The following MYCBP2 variants were observed in gnomAD, a reference collection of about 807,000 sequenced individuals.
The protein encoded by MYCBP2 is E3 ubiquitin-protein ligase MYCBP2.
A neutral mutation model predicts 525.3 loss-of-function variants in MYCBP2; 120 were observed. The ratio of observed to expected loss-of-function variants is 0.23; its 90% CI spans 0.20 to 0.27. The LOEUF is 0.27. Among genes scored for constraint, MYCBP2 ranks in the 10% least tolerant of loss-of-function variants. MYCBP2 has a pLI of 1.00. For missense variants in MYCBP2, 4,149 were observed against 5,657.1 expected, an observed-to-expected ratio of 0.73 and a Z score of 8.55; for synonymous variants, 1,894 against 1,955.8, an observed-to-expected ratio of 0.97 and a Z score of 0.83.
At chr13:77,277,882 C>T (rs971548888) in intron 4 of MYCBP2, among the ~76,000 whole-genome samples, 2 of 152,050 alleles carry the variant, frequency 1.3e-5, no homozygotes, top group East Asian at 1.9e-4. Flanking sequence ...TAGTTAGCAT[C>T]GGAGAAAAAA....
At chr13:77,067,966 T>C in intron 70 of MYCBP2, 102 bp from the exon 71 acceptor site, 2 of 1,240,044 alleles carry the variant, frequency 1.6e-6, no homozygotes, top group Non-Finnish European at 2.2e-6. Flanking sequence ...CTTGCTTTGT[T>C]GCCCAGGTTG....
chr13:77,071,306 CACAA>C lies in MYCBP2; in HGVS notation c.11824-599_11824-596del, dbSNP rs1243467048. ...ACACACACACACACACACACACACA[CACAA>C]ATCTTATCTAATCTTCGCAACAACC... On this transcript the variant is annotated intron_variant, in intron 68 of 82. Transcript: ENST00000544440. Among the ~76,000 whole-genome samples, 244 of 150,466 alleles carry C rather than the reference CACAA, an allele frequency of 1.6e-3. 2 individuals carry two copies. The highest frequency in any genetic ancestry group is 5.6e-3 in the African/African-American group (227 of 40,348).
In MYCBP2 at chr13:77,169,636, G is replaced by A. The variant is rs1473171474; in HGVS notation, c.5873C>T (p.Pro1958Leu). The A allele has an allele frequency of 6.2e-7, 1 of 1,613,332 alleles. No homozygotes were observed. Among genetic ancestry groups the A allele is most frequent in the Non-Finnish European group, 8.5e-7 (1 of 1,179,458 alleles). The change falls in exon 39 of 83, where the codon CCA becomes CTA. Residue 1958 changes from proline to leucine, a missense_variant. By Grantham distance (98) the Pro-to-Leu change is moderately conservative. Around this residue, in one of 21 missense-constraint regions of MYCBP2, gnomAD observed 692 missense variants for 852.7 expected, o/e 0.81. Transcript: ENST00000544440. ...LLPLIIAYIG[P>L]VAAAIPKVAV... ...CACCTTGGGAATAGCAGCAGCTACT[G>A]GTCCTATGTAGGCTATAATAAGGGG...
intron 15 of MYCBP2, among the ~76,000 whole-genome samples, chr13:77,246,584 A>AAGGAGAAGGAGGAAGAGGAGG (rs2070042384): frequency 6.6e-6 from 1 of 150,448 alleles, no homozygotes; most frequent in East Asian, 2.0e-4. Flanking sequence ...GGAGGAAAAG[A>AAGGAGAAGGAGGAAGAGGAGG]AGGAGAAGGA....
intron 39 of MYCBP2, among the ~76,000 whole-genome samples, chr13:77,169,413 A>G (rs2154219841): frequency 6.6e-6 from 1 of 151,414 alleles, no homozygotes; most frequent in South Asian, 2.1e-4. Flanking sequence ...AAAAAAAAAA[A>G]AAAGCCAACA....
chr13:77,077,333 C>A lies in MYCBP2; in HGVS notation c.11539G>T (p.Asp3847Tyr). ...AATTCAATTTTTATGATGTGATTATCCCCTCCTGGAAGTTCACTTGTTACC... is the reference window on the plus strand; with the variant it reads ...AATTCAATTTTTATGATGTGATTATACCCTCCTGGAAGTTCACTTGTTACC... ...GWVTSELPGG[D>Y]NHIIKIELKG... Residue 3847 changes from aspartate (D) to tyrosine (Y), a missense_variant, in exon 67 of 83, where the codon GAT (aspartate) becomes TAT (tyrosine). Coordinates refer to ENST00000544440, the MANE Select transcript of MYCBP2 (RefSeq NM_015057.5). 1 of 1,613,980 alleles carries A rather than the reference C, an allele frequency of 6.2e-7. No homozygotes were observed. Among genetic ancestry groups the A allele is most frequent in the Non-Finnish European group, 8.5e-7 (1 of 1,179,930 alleles).
rs767078530 is a variant in MYCBP2, at chr13:77,129,350, T to C, written c.7660-2808A>G. On this transcript the variant is annotated intron_variant, in intron 52 of 82. Transcript: ENST00000544440. ...GTACTCTAGCACCAACATGGAAATA[T>C]TATTTTACTAAAGAGAAACTGAAGC... is the stretch of plus-strand genomic sequence containing the variant. 1.3e-5 allele frequency: 5 copies of C among 388,108 alleles called. No homozygotes were observed. The East Asian group carries it at 1.4e-4, about 11-fold the overall frequency. The allele number at this position is 388,108 out of a possible 1,614,324, so 24.0% of individuals were successfully genotyped here.
chr13:77,284,536 T>C (rs1241497484), intron 3 of MYCBP2, among the ~76,000 whole-genome samples: 2 of 152,220 alleles, frequency 1.3e-5, no homozygotes, highest in African/African-American at 4.8e-5. Flanking sequence ...CCACCCATAG[T>C]ATCTGCTTGC....
At chr13:77,195,194 C>G (rs1258796828) in intron 26 of MYCBP2, among the ~76,000 whole-genome samples, 4 of 152,156 alleles carry the variant, frequency 2.6e-5, no homozygotes, top group Admixed American at 6.5e-5. Flanking sequence ...CAGCTCAGCT[C>G]TTATTCTCAA....
intron 17 of MYCBP2, among the ~76,000 whole-genome samples, chr13:77,241,474 A>G (rs987700335): frequency 1.3e-5 from 2 of 152,196 alleles, no homozygotes; most frequent in Non-Finnish European, 2.9e-5. Context: ...AACAGGTAGC[A>G]AACAGATAGA....
intron 20 of MYCBP2, among the ~76,000 whole-genome samples, chr13:77,223,616 G>T (rs2065882897): frequency 6.6e-6 from 1 of 152,158 alleles, no homozygotes; most frequent in Non-Finnish European, 1.5e-5. Flanking sequence ...AAGCTGATGA[G>T]GCAGTTCATG....
chr13:77,239,622 C>G (rs1313873569), intron 17 of MYCBP2, among the ~76,000 whole-genome samples: 1 of 152,160 alleles, frequency 6.6e-6, no homozygotes, highest in Non-Finnish European at 1.5e-5. Context: ...TCAGAATCAC[C>G]TGGAACGCTA....
At chr13:77,163,662 A>G (rs576461415) in intron 43 of MYCBP2, among the ~76,000 whole-genome samples, 1 of 152,184 alleles carries the variant, frequency 6.6e-6, no homozygotes, top group Admixed American at 6.5e-5. Context: ...TTCTGCTTCA[A>G]TGAAAAATTC....
chr13:77,120,451 T>C (rs1199309998), intron 55 of MYCBP2, among the ~76,000 whole-genome samples: 1 of 152,232 alleles, frequency 6.6e-6, no homozygotes, highest in African/African-American at 2.4e-5. Flanking sequence ...TTGTTCACTG[T>C]TTTATTTTTT....
intron 17 of MYCBP2, among the ~76,000 whole-genome samples, chr13:77,240,090 T>A (rs747396042): frequency 6.6e-6 from 1 of 152,196 alleles, no homozygotes; most frequent in African/African-American, 2.4e-5. Context: ...ATCATATTCA[T>A]CTAATTTTGT....
chr13:77,208,366 T>C (rs962850872), intron 23 of MYCBP2, among the ~76,000 whole-genome samples: 1 of 152,234 alleles, frequency 6.6e-6, no homozygotes, highest in African/African-American at 2.4e-5. Flanking sequence ...AAAAGCTAGC[T>C]TGCAGAAATA....
intron 52 of MYCBP2, among the ~76,000 whole-genome samples, chr13:77,133,669 A>G (rs182733995): frequency 2.7e-4 from 41 of 152,322 alleles, no homozygotes; most frequent in African/African-American, 9.4e-4. Context: ...TCCCCAGTAC[A>G]TATCTGTTTT....
intron 49 of MYCBP2, among the ~76,000 whole-genome samples, chr13:77,142,584 C>A (rs2054865069): frequency 6.6e-6 from 1 of 152,188 alleles, no homozygotes; most frequent in African/African-American, 2.4e-5. Flanking sequence ...ACTATCTCCA[C>A]CCTGTTTCTC....
intron 2 of MYCBP2, among the ~76,000 whole-genome samples, chr13:77,292,122 G>A (rs1282109701): frequency 6.6e-6 from 1 of 152,160 alleles, no homozygotes; most frequent in Non-Finnish European, 1.5e-5. Flanking sequence ...AAACTCACCT[G>A]AGCAAAAACA....
Sources: allele counts gnomAD v4.1 joint callset (sites outside exome capture counted in the v4.1 genomes callset), GRCh38; gene constraint gnomAD v4.1.1; regional missense constraint gnomAD v4.1.1; transcripts MANE v1.5; gene names NCBI Gene and HGNC (gene_info 2026-07-23, HGNC 2026-07-21).